The following NLRP13 variants were observed in gnomAD, a reference collection of about 807,000 sequenced individuals.
The protein encoded by NLRP13 is NLR family pyrin domain containing 13.
Under a neutral mutation model 94.4 loss-of-function variants are expected in NLRP13, and 82 were observed. The ratio of observed to expected loss-of-function variants is 0.87; its 90% CI spans 0.73 to 1.04. The LOEUF is 1.04. Ranked by LOEUF, NLRP13 falls within the 50% of genes least tolerant of loss-of-function variation. The pLI is 0.00. For synonymous variants in NLRP13, 553 were observed against 464.7 expected (o/e 1.19, Z -2.45); for missense variants, 1,426 against 1,230.8 (o/e 1.16, Z -2.37).
downstream of NLRP13, among the ~76,000 whole-genome samples, chr19:55,894,853 A>G (rs967506739): frequency 3.9e-5 from 6 of 152,208 alleles, no homozygotes; most frequent in Non-Finnish European, 7.3e-5. Context: ...TACAAGAATG[A>G]TAAACAGAAG....
At chr19:55,908,017 G>A (rs766940608) in intron 6 of NLRP13, 61 bp from the exon 7 acceptor site, 160 of 1,482,338 alleles carry the variant, frequency 1.1e-4, no homozygotes, top group Admixed American at 6.3e-4. Context: ...CCAGGATCCC[G>A]TCTGCCTCCT....
At chr19:55,907,190 C>G (rs1229672172) in intron 7 of NLRP13, among the ~76,000 whole-genome samples, 5 of 151,990 alleles carry the variant, frequency 3.3e-5, no homozygotes, top group African/African-American at 1.2e-4. Context: ...GAACTCCTGA[C>G]CTCATGATTT....
At chr19:55,926,828 T>C (rs561430706) in intron 1 of NLRP13, among the ~76,000 whole-genome samples, 26 of 152,320 alleles carry the variant, frequency 1.7e-4, no homozygotes, top group African/African-American at 5.8e-4. Flanking sequence ...AGAGTAATTT[T>C]AAACTTTTAT....
downstream of NLRP13, among the ~76,000 whole-genome samples, chr19:55,895,359 T>C (rs1244453210): frequency 1.3e-5 from 2 of 151,914 alleles, no homozygotes; most frequent in East Asian, 1.9e-4. Context: ...CCAGCCTGGG[T>C]GACAGAGCAA....
At chr19:55,892,337 G>C (rs758814578), downstream of NLRP13, among the ~76,000 whole-genome samples, 9 of 151,812 alleles carry the variant, frequency 5.9e-5, no homozygotes, top group Non-Finnish European at 1.5e-5. Context: ...CCTCCTAGTA[G>C]TCCCGTGTCT....
chr19:55,900,037 T>A (rs1403972425), intron 9 of NLRP13, among the ~76,000 whole-genome samples: 1 of 151,008 alleles, frequency 6.6e-6, no homozygotes, highest in Non-Finnish European at 1.5e-5. Flanking sequence ...GCTAACATAA[T>A]AAATTTCAAA....
At chr19:55,929,941 A>G (rs913214481) in intron 1 of NLRP13, among the ~76,000 whole-genome samples, 2 of 152,192 alleles carry the variant, frequency 1.3e-5, no homozygotes, top group African/African-American at 4.8e-5. Flanking sequence ...CTCATTCCCT[A>G]GTTTTCTGCT....
chr19:55,926,612 C>A (rs1986971854), intron 1 of NLRP13, among the ~76,000 whole-genome samples: 1 of 152,134 alleles, frequency 6.6e-6, no homozygotes, highest in South Asian at 2.1e-4. Context: ...ATCCTAGCAA[C>A]CCCTCAATGT....
intron 1 of NLRP13, among the ~76,000 whole-genome samples, chr19:55,930,657 G>C (rs1469805341): frequency 7.4e-6 from 1 of 134,526 alleles, no homozygotes; most frequent in East Asian, 2.2e-4. Flanking sequence ...TTGTACTCCA[G>C]CTTGGGTGAC....
downstream of NLRP13, among the ~76,000 whole-genome samples, chr19:55,892,382 C>T (rs1985878751): frequency 1.9e-5 from 1 of 51,766 alleles, no homozygotes; most frequent in East Asian, 3.0e-3. Context: ...TGTATATACA[C>T]ACACATACAC....
intron 9 of NLRP13, among the ~76,000 whole-genome samples, chr19:55,900,778 A>AACAAC (rs1568687398): frequency 8.6e-6 from 1 of 116,832 alleles, no homozygotes; most frequent in East Asian, 3.2e-4. Context: ...TCCATCTTAA[A>AACAAC]AAAAAAAAAA....
At chr19:55,924,534 T>C (rs1568446153) in intron 3 of NLRP13, 56 bp downstream of exon 3, 5 of 1,274,532 alleles carry the variant, frequency 3.9e-6, no homozygotes, top group Non-Finnish European at 5.7e-6. Flanking sequence ...TGTGGACCAA[T>C]GAAACGAGTG....
chr19:55,902,953 TA>T (rs1986230862), intron 8 of NLRP13, among the ~76,000 whole-genome samples: 1 of 144,534 alleles, frequency 6.9e-6, no homozygotes, highest in African/African-American at 2.6e-5. Context: ...TTATAACAAC[TA>T]ATTGTTATAA....
At chr19:55,891,936 C>T (rs946911444), downstream of NLRP13, 1 of 409,412 alleles carries the variant, frequency 2.4e-6, no homozygotes, top group Non-Finnish European at 4.2e-6. Flanking sequence ...ACACACAGGC[C>T]AGGATGTCCT....
intron 4 of NLRP13, 22 bp from the exon 5 acceptor site, chr19:55,913,315 G>T: frequency 6.3e-7 from 1 of 1,598,484 alleles, no homozygotes. Context: ...GGAGTGGGGA[G>T]AAGAATGGTA....
downstream of NLRP13, among the ~76,000 whole-genome samples, chr19:55,892,458 G>A (rs1478278247): frequency 6.6e-6 from 1 of 152,014 alleles, no homozygotes; most frequent in Non-Finnish European, 1.5e-5. Context: ...GTGTCACTTT[G>A]TCACCCAGGC....
chr19:55,924,507 T>C, intron 3 of NLRP13, 83 bp downstream of exon 3: 1 of 948,384 alleles, frequency 1.1e-6, no homozygotes, highest in Non-Finnish European at 1.7e-6. Flanking sequence ...TCAAGAAATT[T>C]CAGCATAGGC....
chr19:55,903,079 A>G (rs1986234399), intron 8 of NLRP13, among the ~76,000 whole-genome samples: 1 of 151,888 alleles, frequency 6.6e-6, no homozygotes, highest in Non-Finnish European at 1.5e-5. Context: ...AGTTATAATT[A>G]TACTAATTAT....
intron 8 of NLRP13, among the ~76,000 whole-genome samples, chr19:55,904,196 G>A (rs922888299): frequency 4.6e-5 from 7 of 152,136 alleles, no homozygotes; most frequent in Admixed American, 2.0e-4. Context: ...GGGTTCTAGC[G>A]ATTCTCCTGC....
Sources: gnomAD v4.1 joint callset for allele counts (sites outside exome capture counted in the v4.1 genomes callset) on GRCh38, gnomAD v4.1.1 for gene constraint, MANE v1.5 for transcripts, NCBI Gene and HGNC (gene_info 2026-07-23, HGNC 2026-07-21) for gene names.